The following PRSS23 variants were observed in gnomAD, a reference collection of about 807,000 sequenced individuals.
PRSS23 encodes protease, serine 23.
In PRSS23, 25 loss-of-function variants were observed where a neutral mutation model predicts 34.7. The observed-to-expected ratio is 0.72, with a 90% CI of 0.53 to 1.01. The LOEUF (loss-of-function observed/expected upper bound fraction) is 1.01. Ranked by LOEUF, PRSS23 falls within the 50% of genes least tolerant of loss-of-function variation. The pLI, the probability that PRSS23 is intolerant of heterozygous loss-of-function variation, is 0.00. For missense variants in PRSS23, 445 were observed against 475.6 expected (o/e 0.94, Z 0.60); for synonymous variants, 176 against 186.6 (o/e 0.94, Z 0.46).
intron 2 of PRSS23, among the ~76,000 whole-genome samples, chr11:86,861,789 A>G (rs909936656): frequency 3.3e-5 from 5 of 151,332 alleles, no homozygotes; most frequent in East Asian, 2.0e-4. Context: ...ATTACTTCCC[A>G]TGTCTGATAG....
At chr11:86,823,645 C>CT in intron 2 of PRSS23, 1 of 694,060 alleles carries the variant, frequency 1.4e-6, no homozygotes. Context: ...GTGCTTAAAT[C>CT]TTTTCATGTT....
intron 2 of PRSS23, among the ~76,000 whole-genome samples, chr11:86,873,252 A>ATATGTG: frequency 9.1e-6 from 1 of 110,240 alleles, no homozygotes; most frequent in Non-Finnish European, 1.8e-5. Flanking sequence ...ACACACATAT[A>ATATGTG]TATGTATATA....
intron 2 of PRSS23, among the ~76,000 whole-genome samples, chr11:86,835,674 C>T (rs1948399438): frequency 6.6e-6 from 1 of 152,112 alleles, no homozygotes; most frequent in African/African-American, 2.4e-5. Flanking sequence ...GAGATTAAGC[C>T]AGTATAGGCT....
chr11:86,834,969 G>T (rs368859225), intron 2 of PRSS23, among the ~76,000 whole-genome samples: 38 of 152,286 alleles, frequency 2.5e-4, no homozygotes, highest in African/African-American at 8.2e-4. Flanking sequence ...CAGTATACAA[G>T]TTGAGGTGGG....
At chr11:86,825,014 C>T (rs1685189884) in intron 2 of PRSS23, among the ~76,000 whole-genome samples, 1 of 152,102 alleles carries the variant, frequency 6.6e-6, no homozygotes, top group Non-Finnish European at 1.5e-5. Flanking sequence ...ATGGCTGGGT[C>T]AAATGGTATT....
At chr11:86,916,672 C>T (rs1949014852) in intron 2 of PRSS23, among the ~76,000 whole-genome samples, 2 of 152,124 alleles carry the variant, frequency 1.3e-5, no homozygotes, top group Non-Finnish European at 1.5e-5. Flanking sequence ...CCAGTTGGAC[C>T]CACCCAGAGA....
At chr11:86,903,478 A>G (rs34428605) in intron 2 of PRSS23, among the ~76,000 whole-genome samples, 1 of 136,094 alleles carries the variant, frequency 7.3e-6, no homozygotes, top group Non-Finnish European at 1.5e-5. Context: ...TTTAACATAC[A>G]ATCTTTTTTT....
upstream of PRSS23, among the ~76,000 whole-genome samples, chr11:86,798,893 C>T (rs1290345431): frequency 6.6e-6 from 1 of 152,120 alleles, no homozygotes; most frequent in African/African-American, 2.4e-5. Context: ...TGGGGTTTTG[C>T]CATGTTGCCC....
chr11:86,916,895 C>T (rs1312950004), intron 2 of PRSS23, among the ~76,000 whole-genome samples: 2 of 152,230 alleles, frequency 1.3e-5, no homozygotes, highest in African/African-American at 4.8e-5. Context: ...CCTGTGAGCA[C>T]AAGGACAGAG....
At chr11:86,924,463 A>G (rs1044895876) in intron 2 of PRSS23, among the ~76,000 whole-genome samples, 4 of 152,182 alleles carry the variant, frequency 2.6e-5, no homozygotes, top group African/African-American at 9.7e-5. Flanking sequence ...CCAAGAAGTA[A>G]GGGATAGATA....
chr11:86,822,729 A>C (rs1319876079), intron 1 of PRSS23, among the ~76,000 whole-genome samples: 1 of 152,102 alleles, frequency 6.6e-6, no homozygotes, highest in African/African-American at 2.4e-5. Flanking sequence ...ACTGTCCAGG[A>C]ATGGGATGGG....
rs111577314 is a variant in PRSS23 at position 86,830,302 on chromosome 11, G to A, written c.206+6709G>A. On this transcript the variant is annotated intron_variant, in intron 2 of 2. Coordinates refer to the PRSS23 transcript ENST00000533902. ...GCATAGGACCCTCCGAGCCAGGTGC[G>A]GGATATAATCTCCTTGTGCATCGTT... 1.0e-3 allele frequency among the ~76,000 whole-genome samples: 152 copies of A among 152,264 alleles called. 1 individual carries two copies. Among genetic ancestry groups the A allele is most frequent in the African/African-American group, 3.3e-3 (138 of 41,552 alleles).
chr11:86,939,356 C>T (rs1156834627), intron 2 of PRSS23, among the ~76,000 whole-genome samples: 4 of 117,518 alleles, frequency 3.4e-5, no homozygotes, highest in Admixed American at 9.2e-5. Flanking sequence ...ACACTGACCT[C>T]AGGAGAATAA....
chr11:86,792,892 A>G (rs1947959973), intron 1 of PRSS23, among the ~76,000 whole-genome samples: 1 of 152,154 alleles, frequency 6.6e-6, no homozygotes. Flanking sequence ...TCTTTTTTTG[A>G]GACAGGGTCT....
intron 2 of PRSS23, among the ~76,000 whole-genome samples, chr11:86,900,748 C>T (rs1224168663): frequency 6.7e-6 from 1 of 150,040 alleles, no homozygotes; most frequent in Non-Finnish European, 1.5e-5. Flanking sequence ...CTAGTACCCA[C>T]TCCTTCAAAT....
chr11:86,815,556 TGTG>T (rs1396883846), downstream of PRSS23, among the ~76,000 whole-genome samples: 3 of 152,184 alleles, frequency 2.0e-5, no homozygotes, highest in Admixed American at 2.0e-4. Flanking sequence ...ATAAAACTCT[TGTG>T]GTGTTTTGTA....
chr11:86,840,318 T>C (rs1307061411), intron 2 of PRSS23, among the ~76,000 whole-genome samples: 1 of 152,216 alleles, frequency 6.6e-6, no homozygotes, highest in Non-Finnish European at 1.5e-5. Flanking sequence ...ATTGCAATCC[T>C]AGTCTTTGTT....
intron 1 of PRSS23, among the ~76,000 whole-genome samples, chr11:86,819,895 C>T (rs1948240776): frequency 1.3e-5 from 2 of 152,142 alleles, no homozygotes; most frequent in African/African-American, 2.4e-5. Context: ...TCCTTAGTGC[C>T]TCATTACAAT....
chr11:86,829,777 C>G (rs554636569), intron 2 of PRSS23, among the ~76,000 whole-genome samples: 1 of 152,298 alleles, frequency 6.6e-6, no homozygotes, highest in South Asian at 2.1e-4. Flanking sequence ...TGCCTGGGTA[C>G]CAGCAGCGGT....
Sources: gnomAD v4.1 joint callset for allele counts (sites outside exome capture counted in the v4.1 genomes callset) on GRCh38, gnomAD v4.1.1 for gene constraint, MANE v1.5 for transcripts, NCBI Gene and HGNC (gene_info 2026-07-23, HGNC 2026-07-21) for gene names.